NIPA1: variants seen among roughly 807,000 people sequenced by gnomAD.
NIPA1 encodes NIPA magnesium transporter 1.
NIPA1 carries 13 observed loss-of-function variants against 23.9 expected under a neutral mutation model. The observed-to-expected ratio is 0.54, with a 90% CI of 0.35 to 0.87. NIPA1 has a LOEUF of 0.87. NIPA1 is among the 40% of genes least tolerant of loss of function. The probability of loss-of-function intolerance (pLI) is 0.01; values close to 1 mark genes in which losing one functional copy is unlikely to be tolerated. For synonymous variants in NIPA1, 234 were observed against 202.9 expected, an observed-to-expected ratio of 1.15 and a Z score of -1.30; for missense variants, 362 against 429.7, an observed-to-expected ratio of 0.84 and a Z score of 1.39.
chr15:22,812,307 T>C (rs1039684961), intron 3 of NIPA1, 54 bp downstream of exon 3: 51 of 1,291,610 alleles, frequency 3.9e-5, no homozygotes, highest in Non-Finnish European at 5.3e-5. Flanking sequence ...TATAACAACT[T>C]TTCATTTTAA....
intron 1 of NIPA1, among the ~76,000 whole-genome samples, chr15:22,806,982 T>A (rs1378447848): frequency 6.6e-6 from 1 of 152,078 alleles, no homozygotes; most frequent in East Asian, 1.9e-4. Context: ...AAAACCTGAC[T>A]TGCTTAATGT....
chr15:22,819,724 G>A (rs1441413973), intron 3 of NIPA1, among the ~76,000 whole-genome samples: 1 of 151,978 alleles, frequency 6.6e-6, no homozygotes, highest in Non-Finnish European at 1.5e-5. Flanking sequence ...TTTCCATGTA[G>A]CATAGATATT....
At chr15:22,804,116 A>G (rs1350098520) in intron 1 of NIPA1, among the ~76,000 whole-genome samples, 1 of 152,014 alleles carries the variant, frequency 6.6e-6, no homozygotes, top group South Asian at 2.1e-4. Context: ...AGCTGGGATT[A>G]CAGGCATGAA....
intron 1 of NIPA1, among the ~76,000 whole-genome samples, chr15:22,799,971 A>AAAAG (rs1895039101): frequency 1.8e-5 from 2 of 113,278 alleles, no homozygotes; most frequent in African/African-American, 6.3e-5. Flanking sequence ...AAAAAAAAAA[A>AAAAG]GGGAAAGAAA....
rs57945193 is a variant in NIPA1 at position 22,799,971 on chromosome 15, A to G, written c.179-10778A>G. On this transcript the variant is annotated intron_variant, in intron 1 of 4. Transcript: ENST00000337435. ...AAAAAAAAAAAAAAAAAAAAAAAAAAGGGAAAGAAAAGATGATGTAATAGA... is the reference window on the plus strand; with the variant it reads ...AAAAAAAAAAAAAAAAAAAAAAAAAGGGGAAAGAAAAGATGATGTAATAGA... Among the ~76,000 whole-genome samples the G allele has an allele frequency of 6.6e-3, 744 of 113,326 alleles. 13 individuals carry two copies. Among genetic ancestry groups the G allele is most frequent in the African/African-American group, 0.022 (712 of 31,974 alleles). The allele number at this position is 113,326 out of a possible 152,430, so 74.3% of individuals were successfully genotyped here. A position where few individuals can be genotyped will look rare whatever the true frequency, so the allele number is the denominator to read the frequency against.
chr15:22,808,585 G>A (rs898864574), intron 1 of NIPA1, among the ~76,000 whole-genome samples: 2 of 152,052 alleles, frequency 1.3e-5, no homozygotes, highest in Non-Finnish European at 2.9e-5. Flanking sequence ...ACCCATGGAG[G>A]TGACTCAGTA....
intron 2 of NIPA1, 83 bp downstream of exon 2, chr15:22,810,879 T>A (rs1012311560): frequency 1.5e-5 from 16 of 1,078,310 alleles, no homozygotes; most frequent in Non-Finnish European, 2.3e-5. Flanking sequence ...GTGGCTGGGC[T>A]AGGGTGGCTC....
rs191069461 is a variant in NIPA1, at chr15:22,808,939, G to T, written c.179-1810G>T. Among the ~76,000 whole-genome samples the T allele has an allele frequency of 3.9e-5, 6 of 152,138 alleles. No individual in the cohort carries two copies. In the East Asian group the frequency reaches 1.2e-3, roughly 29 times the overall value. On this transcript the variant is annotated intron_variant, in intron 1 of 4. Coordinates refer to ENST00000337435, the MANE Select transcript of NIPA1 (RefSeq NM_144599.5). ...CCTGCCTCAGGCTTCCAAAATGCTG[G>T]CATTACAGGTGTGAGCCGCCGGGCC... is the stretch of plus-strand genomic sequence containing the variant.
intron 1 of NIPA1, among the ~76,000 whole-genome samples, chr15:22,794,271 T>C (rs984797302): frequency 1.8e-4 from 27 of 146,016 alleles, no homozygotes; most frequent in African/African-American, 6.9e-4. Flanking sequence ...ACAAAGCCGG[T>C]GATTCCGCTT....
In NIPA1 at chr15:22,820,491, G is replaced by T; in HGVS notation, c.478+18G>T. ...CAATCCAGGTAATTCCTTTCTAGCA[G>T]CACTGCCAAGAAAGTTTGCAGTAGG... On this transcript the variant is annotated intron_variant, in intron 4 of 4. Coordinates refer to ENST00000337435, the MANE Select transcript of NIPA1 (RefSeq NM_144599.5). 9 of 1,608,138 alleles carry T rather than the reference G, an allele frequency of 5.6e-6. No individual in the cohort carries two copies. Among genetic ancestry groups the T allele is most frequent in the Non-Finnish European group, 7.7e-6 (9 of 1,174,610 alleles).
At chr15:22,798,398 C>G (rs899232474) in intron 1 of NIPA1, among the ~76,000 whole-genome samples, 4 of 149,194 alleles carry the variant, frequency 2.7e-5, no homozygotes, top group African/African-American at 9.8e-5. Flanking sequence ...CGCCACCATG[C>G]CCAGCTAATT....
At chr15:22,798,707 G>A (rs1894996861) in intron 1 of NIPA1, among the ~76,000 whole-genome samples, 2 of 150,318 alleles carry the variant, frequency 1.3e-5, no homozygotes, top group African/African-American at 4.9e-5. Flanking sequence ...AATTAGTCGG[G>A]TGCCTGTAGT....
chr15:22,814,094 T>C, intron 3 of NIPA1: 1 of 1,281,248 alleles, frequency 7.8e-7, no homozygotes, highest in Non-Finnish European at 1.0e-6. Context: ...TGTTACTCAC[T>C]GTAGGAACCA....
rs1209899406 is a variant in NIPA1 at position 22,814,707 on chromosome 15, G to T, written c.317+2454G>T. 4.6e-5 allele frequency among the ~76,000 whole-genome samples: 7 copies of T among 152,098 alleles called. No homozygotes were observed. In the East Asian group the frequency reaches 1.3e-3, roughly 29 times the overall value. ...TATGATAAAGTAATCATCTGTACATGCTGTGTTTAGAAAGAGGTTTAAAAA... is the reference window on the plus strand; with the variant it reads ...TATGATAAAGTAATCATCTGTACATTCTGTGTTTAGAAAGAGGTTTAAAAA... On this transcript the variant is annotated intron_variant, in intron 3 of 4. Coordinates refer to ENST00000337435, the MANE Select transcript of NIPA1 (RefSeq NM_144599.5).
chr15:22,819,680 C>CTTATAA (rs1020030678), intron 3 of NIPA1, among the ~76,000 whole-genome samples: 1 of 152,006 alleles, frequency 6.6e-6, no homozygotes, highest in Non-Finnish European at 1.5e-5. Context: ...TCATGCATTA[C>CTTATAA]TTATAATTAT....
At chr15:22,816,696 G>C (rs1327774383) in intron 3 of NIPA1, among the ~76,000 whole-genome samples, 1 of 148,332 alleles carries the variant, frequency 6.7e-6, no homozygotes, top group African/African-American at 2.5e-5. Context: ...TTGCCATGTT[G>C]GCTAGGCTAG....
intron 4 of NIPA1, among the ~76,000 whole-genome samples, chr15:22,821,609 GCTGGTTTGCATGTCCACACC>G (rs1442203180): frequency 1.6e-4 from 24 of 145,906 alleles, no homozygotes; most frequent in Admixed American, 3.4e-4. Context: ...GTCCACACTG[GCTGGTTTGCATGTCCACACC>G]CTGGTTTGCA....
At chr15:22,807,928 C>T (rs1005115675) in intron 1 of NIPA1, among the ~76,000 whole-genome samples, 11 of 151,944 alleles carry the variant, frequency 7.2e-5, no homozygotes, top group Non-Finnish European at 1.0e-4. Context: ...GGACTACAGG[C>T]GCCCACCACC....
intron 1 of NIPA1, among the ~76,000 whole-genome samples, chr15:22,792,421 T>A (rs893436912): frequency 1.3e-5 from 2 of 151,840 alleles, no homozygotes; most frequent in African/African-American, 4.8e-5. Flanking sequence ...TGCAGTGGCA[T>A]GATCTCCACT....
Sources: allele counts gnomAD v4.1 joint callset (sites outside exome capture counted in the v4.1 genomes callset), GRCh38; gene constraint gnomAD v4.1.1; transcripts MANE v1.5; gene names NCBI Gene and HGNC (gene_info 2026-07-23, HGNC 2026-07-21).